Variants in ASTN2 observed in about 807,000 individuals in gnomAD.
ASTN2 encodes astrotactin-2.
A neutral mutation model predicts 139.8 loss-of-function variants in ASTN2; 54 were observed. The ratio of observed to expected loss-of-function variants is 0.39; its 90% CI spans 0.31 to 0.48. ASTN2 has a LOEUF of 0.48. Among genes scored for constraint, ASTN2 ranks in the 20% least tolerant of loss-of-function variants. ASTN2 has a pLI of 0.95. For missense variants in ASTN2, 1,565 were observed against 1,725.1 expected (o/e 0.91, Z 1.64); for synonymous variants, 756 against 719.5 (o/e 1.05, Z -0.81).
chr9:116,558,750 G>C (rs1239453349), intron 19 of ASTN2, among the ~76,000 whole-genome samples: 3 of 152,150 alleles, frequency 2.0e-5, no homozygotes, highest in Non-Finnish European at 4.4e-5. Context: ...CACCCATCTT[G>C]ATACAGTGAG....
intron 1 of ASTN2, among the ~76,000 whole-genome samples, chr9:117,305,769 T>G (rs1834984008): frequency 6.6e-6 from 1 of 152,244 alleles, no homozygotes; most frequent in Non-Finnish European, 1.5e-5. Flanking sequence ...TGTTCTTAGC[T>G]GTGTGCACAT....
chr9:116,873,967 T>A (rs1432142610), intron 10 of ASTN2, among the ~76,000 whole-genome samples: 1 of 152,160 alleles, frequency 6.6e-6, no homozygotes, highest in Admixed American at 6.6e-5. Flanking sequence ...AAACCTCTTA[T>A]CTTTATAAAT....
At chr9:116,677,273 C>A (rs550165618) in intron 16 of ASTN2, among the ~76,000 whole-genome samples, 2 of 151,982 alleles carry the variant, frequency 1.3e-5, no homozygotes, top group South Asian at 4.2e-4. Flanking sequence ...GCTTGGGACT[C>A]CTTGGGAAAG....
At chr9:116,636,446 A>C (rs913235148) in intron 17 of ASTN2, among the ~76,000 whole-genome samples, 2 of 152,180 alleles carry the variant, frequency 1.3e-5, no homozygotes, top group South Asian at 4.1e-4. Context: ...AGGCTGATGC[A>C]GGTGGATCAC....
At chr9:116,845,198 T>A (rs1832391410) in intron 11 of ASTN2, among the ~76,000 whole-genome samples, 1 of 152,108 alleles carries the variant, frequency 6.6e-6, no homozygotes, top group African/African-American at 2.4e-5. Context: ...CAATGCAAGC[T>A]CCACCTCCCG....
At chr9:117,367,230 G>A (rs568911383) in intron 1 of ASTN2, among the ~76,000 whole-genome samples, 2 of 152,286 alleles carry the variant, frequency 1.3e-5, no homozygotes, top group African/African-American at 4.8e-5. Context: ...GCATACTATT[G>A]TGCAGGATTC....
intron 1 of ASTN2, among the ~76,000 whole-genome samples, chr9:117,295,356 C>T (rs908020207): frequency 2.0e-5 from 3 of 151,932 alleles, no homozygotes; most frequent in African/African-American, 4.8e-5. Flanking sequence ...AAAGAAAGAA[C>T]GAAAGAAAGA....
Position 116,729,103 on chromosome 9 carries a change from G to A in ASTN2, c.2522-7C>T, listed in dbSNP as rs1044194294. On this transcript the variant is annotated splice_region_variant and splice_polypyrimidine_tract_variant and intron_variant, in intron 14 of 22. Transcript: ENST00000313400. Reference sequence around the variant, plus strand: ...TCATCATACCTGATATCTCCTGGGAGAGAAAATAAGATGGTCACGTGAGCC... The same window carrying A: ...TCATCATACCTGATATCTCCTGGGAAAGAAAATAAGATGGTCACGTGAGCC... 1 of 1,568,584 alleles carries A rather than the reference G, an allele frequency of 6.4e-7. No homozygotes were observed. The highest frequency in any genetic ancestry group is 8.7e-7 in the Non-Finnish European group (1 of 1,154,548).
Position 117,166,985 on chromosome 9 carries a change from A to T in ASTN2, c.1016-25507T>A, listed in dbSNP as rs560699888. 5.3e-5 allele frequency among the ~76,000 whole-genome samples: 8 copies of T among 152,286 alleles called. No individual in the cohort carries two copies. In the East Asian group the frequency reaches 1.5e-3, roughly 29 times the overall value. On this transcript the variant is annotated intron_variant, in intron 3 of 22. Transcript: ENST00000313400. ...AAAATAAAAGGACATATAAAAGAGT[A>T]ATGTTAAAATTCCCAATTGCTATTC...
chr9:117,115,826 C>T (rs1829372141), intron 4 of ASTN2, among the ~76,000 whole-genome samples: 1 of 151,994 alleles, frequency 6.6e-6, no homozygotes, highest in Non-Finnish European at 1.5e-5. Flanking sequence ...GAGATCGAAA[C>T]TATCCTGGCT....
chr9:116,642,993 C>G (rs544151515), intron 17 of ASTN2, among the ~76,000 whole-genome samples: 12 of 152,268 alleles, frequency 7.9e-5, no homozygotes, highest in African/African-American at 2.9e-4. Flanking sequence ...CTCAGACATT[C>G]TGGGTTTGAA....
At chr9:117,315,502 C>T (rs1828116770) in intron 1 of ASTN2, among the ~76,000 whole-genome samples, 1 of 152,224 alleles carries the variant, frequency 6.6e-6, no homozygotes, top group Non-Finnish European at 1.5e-5. Context: ...TTGGACAAAT[C>T]ACTGGCACTG....
At chr9:116,492,054 G>C (rs1193465093) in intron 19 of ASTN2, among the ~76,000 whole-genome samples, 3 of 151,378 alleles carry the variant, frequency 2.0e-5, no homozygotes, top group African/African-American at 7.3e-5. Flanking sequence ...CTTAAAATGT[G>C]TATCAACTAC....
At chr9:117,221,079 A>G (rs10121910) in intron 2 of ASTN2, among the ~76,000 whole-genome samples, 7,515 of 152,254 alleles carry the variant, frequency 0.049, 365 homozygotes, top group African/African-American at 0.13. Context: ...GAAGCTGACA[A>G]TCTTCACCAG....
At chr9:117,196,985 T>A (rs1196365642) in intron 3 of ASTN2, 3 of 152,210 alleles carry the variant, frequency 2.0e-5, no homozygotes. Context: ...TGCCTTCTGA[T>A]GCTGTGATTC....
At chr9:117,284,161 C>T (rs147073904) in intron 2 of ASTN2, among the ~76,000 whole-genome samples, 56 of 152,204 alleles carry the variant, frequency 3.7e-4, no homozygotes, top group African/African-American at 1.2e-3. Context: ...CAGAGTGCAG[C>T]GGCATGATCT....
intron 13 of ASTN2, among the ~76,000 whole-genome samples, chr9:116,771,858 G>A (rs1041857697): frequency 6.6e-6 from 1 of 152,294 alleles, no homozygotes; most frequent in East Asian, 1.9e-4. Flanking sequence ...CAAGAGGCCA[G>A]GCAGCCAGGA....
At chr9:116,920,085 G>A (rs1392189051) in intron 10 of ASTN2, among the ~76,000 whole-genome samples, 1 of 152,152 alleles carries the variant, frequency 6.6e-6, no homozygotes, top group Non-Finnish European at 1.5e-5. Context: ...TGCCTCCTTG[G>A]TATTCTGTGT....
At chr9:116,738,425 C>T (rs559913975) in intron 13 of ASTN2, among the ~76,000 whole-genome samples, 59 of 151,376 alleles carry the variant, frequency 3.9e-4, no homozygotes, top group Admixed American at 3.6e-3. Context: ...CATTTGAACT[C>T]GGGAGGCGGA....
Sources: allele counts gnomAD v4.1 joint callset (sites outside exome capture counted in the v4.1 genomes callset), GRCh38; gene constraint gnomAD v4.1.1; transcripts MANE v1.5; gene names NCBI Gene and HGNC (gene_info 2026-07-23, HGNC 2026-07-21).